The following STK33 variants were observed in gnomAD, a reference collection of about 807,000 sequenced individuals.
STK33 encodes serine/threonine-protein kinase 33.
Under a neutral mutation model 58.0 loss-of-function variants are expected in STK33, and 52 were observed. The ratio of observed to expected loss-of-function variants is 0.90; its 90% CI spans 0.72 to 1.13. The LOEUF (loss-of-function observed/expected upper bound fraction) is 1.13. Ranked by LOEUF, STK33 falls within the 50% of genes most tolerant of loss-of-function variation. The pLI, the probability that STK33 is intolerant of heterozygous loss-of-function variation, is 0.00. For missense variants in STK33, 630 were observed against 604.2 expected (o/e 1.04, Z -0.45); for synonymous variants, 215 against 200.1 (o/e 1.07, Z -0.63).
chr11:8,440,374 G>T (rs956733098), intron 12 of STK33, among the ~76,000 whole-genome samples: 2 of 152,060 alleles, frequency 1.3e-5, no homozygotes, highest in African/African-American at 4.8e-5. Context: ...AAAACACAAA[G>T]AAGCTTTTGG....
intron 1 of STK33, among the ~76,000 whole-genome samples, chr11:8,525,494 G>GA (rs1460721196): frequency 2.0e-5 from 3 of 152,130 alleles, no homozygotes; most frequent in African/African-American, 4.8e-5. Flanking sequence ...GCAAAGCAGT[G>GA]AAAAAATTAT....
At chr11:8,336,835 G>C in the STK33 span, among the ~76,000 whole-genome samples, 1 of 152,262 alleles carries the variant, frequency 6.6e-6, no homozygotes, top group Admixed American at 6.5e-5. Context: ...CCCGCGGGCT[G>C]CAAGGCCAGT....
At chr11:8,459,930 C>A (rs565176026) in intron 8 of STK33, among the ~76,000 whole-genome samples, 38 of 152,298 alleles carry the variant, frequency 2.5e-4, no homozygotes, top group African/African-American at 8.7e-4. Context: ...AGCTTACACA[C>A]AGCCAGGAAC....
chr11:8,397,371 G>A (rs1336597916), intron 15 of STK33, among the ~76,000 whole-genome samples: 3 of 152,224 alleles, frequency 2.0e-5, no homozygotes, highest in Non-Finnish European at 4.4e-5. Flanking sequence ...TGGACCTCCA[G>A]CAAACTCCAA....
chr11:8,513,959 C>G (rs1477991029), intron 1 of STK33, among the ~76,000 whole-genome samples: 1 of 151,956 alleles, frequency 6.6e-6, no homozygotes, highest in African/African-American at 2.4e-5. Context: ...CCCCACCCCA[C>G]CCCACACCAC....
chr11:8,445,720 G>C (rs138311071), intron 11 of STK33, among the ~76,000 whole-genome samples: 2,236 of 152,276 alleles, frequency 0.015, 52 homozygotes, highest in African/African-American at 0.05. Context: ...TTGCATCCCA[G>C]AGATGAAGCT....
At chr11:8,452,468 G>C (rs11041928) in intron 11 of STK33, among the ~76,000 whole-genome samples, 14,281 of 152,090 alleles carry the variant, frequency 0.094, 1,570 homozygotes, top group African/African-American at 0.27. Flanking sequence ...ATCCATACTG[G>C]TTGTTCTACT....
chr11:8,493,387 A>T (rs1464354389), intron 1 of STK33, among the ~76,000 whole-genome samples: 1 of 152,194 alleles, frequency 6.6e-6, no homozygotes, highest in African/African-American at 2.4e-5. Flanking sequence ...CCCTCCCAAG[A>T]CTAAACAAGG....
At chr11:8,514,180 T>C (rs1354096734) in intron 1 of STK33, among the ~76,000 whole-genome samples, 1 of 152,228 alleles carries the variant, frequency 6.6e-6, no homozygotes, top group Non-Finnish European at 1.5e-5. Context: ...TAGTACTCCA[T>C]TGTATATATG....
intron 1 of STK33, among the ~76,000 whole-genome samples, chr11:8,532,236 G>C (rs1043376061): frequency 1.3e-5 from 2 of 152,222 alleles, no homozygotes; most frequent in African/African-American, 4.8e-5. Flanking sequence ...AATTCACTTT[G>C]AGTAGCACTG....
chr11:8,524,878 A>G (rs1290345741), intron 1 of STK33, among the ~76,000 whole-genome samples: 2 of 151,924 alleles, frequency 1.3e-5, no homozygotes, highest in African/African-American at 2.4e-5. Context: ...TAAAGATGCC[A>G]AGAGGAAACT....
At chr11:8,390,490 C>A (rs537937652), downstream of STK33, among the ~76,000 whole-genome samples, 1 of 152,266 alleles carries the variant, frequency 6.6e-6, no homozygotes, top group African/African-American at 2.4e-5. Flanking sequence ...TAAAGAGGCA[C>A]ATCTGTTGGA....
At chr11:8,431,059 G>T (rs1564938009) in intron 14 of STK33, among the ~76,000 whole-genome samples, 2 of 151,894 alleles carry the variant, frequency 1.3e-5, no homozygotes, top group South Asian at 2.1e-4. Flanking sequence ...TAGAGATGGG[G>T]TTTCACCATA....
chr11:8,486,917 A>G (rs1950230201), intron 1 of STK33, among the ~76,000 whole-genome samples: 1 of 152,160 alleles, frequency 6.6e-6, no homozygotes, highest in Non-Finnish European at 1.5e-5. Context: ...GGAAAGAGAA[A>G]AGTCAATACA....
At chr11:8,468,593 C>T (rs1000715969) in intron 6 of STK33, among the ~76,000 whole-genome samples, 1 of 151,946 alleles carries the variant, frequency 6.6e-6, no homozygotes, top group Non-Finnish European at 1.5e-5. Flanking sequence ...GTTTACAAAC[C>T]TTTTGGCTTA....
the STK33 span, among the ~76,000 whole-genome samples, chr11:8,386,362 T>C: frequency 6.6e-6 from 1 of 152,228 alleles, no homozygotes; most frequent in East Asian, 1.9e-4. Flanking sequence ...CTAATTTCTG[T>C]GCTGATGGGG....
intron 7 of STK33, 105 bp from the exon 8 acceptor site, chr11:8,462,014 T>A: frequency 1.4e-5 from 10 of 735,152 alleles, no homozygotes; most frequent in Non-Finnish European, 2.1e-5. Flanking sequence ...TGTAACTTCA[T>A]ATTTGAAGTG....
chr11:8,383,094 A>G, the STK33 span, among the ~76,000 whole-genome samples: 1 of 152,240 alleles, frequency 6.6e-6, no homozygotes, highest in Non-Finnish European at 1.5e-5. Context: ...TGACAGACGC[A>G]CAGTGTTCCG....
chr11:8,460,448 C>A (rs1336205726), intron 8 of STK33, among the ~76,000 whole-genome samples: 2 of 151,952 alleles, frequency 1.3e-5, no homozygotes, highest in Admixed American at 6.6e-5. Flanking sequence ...TACAATACTA[C>A]ACAGAGAGAT....
Sources: allele counts gnomAD v4.1 joint callset (sites outside exome capture counted in the v4.1 genomes callset), GRCh38; gene constraint gnomAD v4.1.1; transcripts MANE v1.5; gene names NCBI Gene and HGNC (gene_info 2026-07-23, HGNC 2026-07-21).